Variants in ATP9B observed in about 807,000 individuals in gnomAD.
The protein encoded by ATP9B is probable phospholipid-transporting ATPase IIB.
A neutral mutation model predicts 146.1 loss-of-function variants in ATP9B; 110 were observed. The ratio of observed to expected loss-of-function variants is 0.75; its 90% CI spans 0.65 to 0.88. The LOEUF (loss-of-function observed/expected upper bound fraction) is 0.88. ATP9B is among the 40% of genes least tolerant of loss of function. The pLI, the probability that ATP9B is intolerant of heterozygous loss-of-function variation, is 0.00. For synonymous variants in ATP9B, 604 were observed against 569.7 expected, an observed-to-expected ratio of 1.06 and a Z score of -0.86; for missense variants, 1,499 against 1,496.4, an observed-to-expected ratio of 1.00 and a Z score of -0.03.
At chr18:79,280,157 C>T (rs184998699) in intron 13 of ATP9B, among the ~76,000 whole-genome samples, 31 of 152,014 alleles carry the variant, frequency 2.0e-4, no homozygotes, top group African/African-American at 5.5e-4. Flanking sequence ...ATAGCAGTGA[C>T]GATGGAGTAC....
intron 12 of ATP9B, among the ~76,000 whole-genome samples, chr18:79,272,301 T>C (rs993226137): frequency 6.6e-6 from 1 of 152,230 alleles, no homozygotes; most frequent in African/African-American, 2.4e-5. Flanking sequence ...TTAGGGTGTA[T>C]CTCTGCCTTT....
intron 4 of ATP9B, among the ~76,000 whole-genome samples, chr18:79,121,876 C>G (rs370985065): frequency 1.3e-5 from 2 of 152,170 alleles, no homozygotes; most frequent in Admixed American, 6.5e-5. Context: ...TCTGTCTTCT[C>G]TAATACTACT....
At chr18:79,305,331 T>G (rs904256921) in intron 14 of ATP9B, among the ~76,000 whole-genome samples, 15 of 152,232 alleles carry the variant, frequency 9.9e-5, no homozygotes, top group Admixed American at 9.8e-4. Flanking sequence ...CAGTCTGGCA[T>G]AAGCTTTACT....
chr18:79,323,463 A>G (rs778240910), intron 15 of ATP9B, among the ~76,000 whole-genome samples: 22 of 152,134 alleles, frequency 1.4e-4, no homozygotes, highest in Non-Finnish European at 3.1e-4. Context: ...TGTCCCCGAT[A>G]TCCTTCCCGG....
At chr18:79,099,446 CCT>C (rs781464539) in intron 2 of ATP9B, among the ~76,000 whole-genome samples, 1 of 152,118 alleles carries the variant, frequency 6.6e-6, no homozygotes, top group Non-Finnish European at 1.5e-5. Context: ...GTCTCAAACT[CCT>C]GACCTCAAGT....
chr18:79,208,622 T>TA (rs1237864112), intron 10 of ATP9B, among the ~76,000 whole-genome samples: 2 of 152,298 alleles, frequency 1.3e-5, no homozygotes, highest in East Asian at 3.9e-4. Flanking sequence ...TTTGTGTCTT[T>TA]AAAAAATGCT....
chr18:79,352,738 G>C (rs2096929059), intron 25 of ATP9B: 1 of 152,220 alleles, frequency 6.6e-6, no homozygotes, highest in Admixed American at 6.5e-5. Context: ...GGAGGGCCAG[G>C]CTCTGGTGGG....
intron 1 of ATP9B, among the ~76,000 whole-genome samples, chr18:79,070,070 A>C (rs1426790191): frequency 1.3e-5 from 2 of 152,176 alleles, no homozygotes; most frequent in Non-Finnish European, 1.5e-5. Context: ...ACGAAAGGGA[A>C]ATGGGGTATT....
intron 15 of ATP9B, chr18:79,307,503 A>G: frequency 2.3e-6 from 1 of 437,756 alleles, no homozygotes; most frequent in South Asian, 3.1e-5. Context: ...CATGAGAAAT[A>G]CCAGCGAGGT....
intron 29 of ATP9B, chr18:79,376,246 C>G: frequency 2.1e-6 from 2 of 972,004 alleles, no homozygotes; most frequent in East Asian, 1.2e-4. Context: ...TAGCCTAGAT[C>G]GTCCAAACAA....
chr18:79,223,816 A>G (rs2095703617), intron 11 of ATP9B, among the ~76,000 whole-genome samples: 1 of 152,232 alleles, frequency 6.6e-6, no homozygotes, highest in Non-Finnish European at 1.5e-5. Flanking sequence ...ACAAAATGCT[A>G]AGTGTTGAAA....
chr18:79,229,538 T>C (rs548367382), intron 11 of ATP9B, among the ~76,000 whole-genome samples: 6 of 152,208 alleles, frequency 3.9e-5, no homozygotes, highest in Non-Finnish European at 8.8e-5. Flanking sequence ...AAATGACTGC[T>C]TCTGAGGCTT....
Position 79,264,093 on chromosome 18 carries a change from G to C in ATP9B, c.1268+10552G>C, listed in dbSNP as rs142268460. 2.3e-3 allele frequency among the ~76,000 whole-genome samples: 350 copies of C among 151,812 alleles called. 1 individual carries two copies. Among genetic ancestry groups the C allele is most frequent in the African/African-American group, 7.8e-3 (321 of 41,418 alleles). On this transcript the variant is annotated intron_variant, in intron 12 of 29. Coordinates refer to ENST00000426216, the MANE Select transcript of ATP9B (RefSeq NM_198531.5). ...GTGTAAGACTCTGTCTCAAAAAAAA[G>C]AAAAGGAAAAAAAAACATATCTAGG...
At chr18:79,101,903 A>C (rs2075304080) in intron 2 of ATP9B, among the ~76,000 whole-genome samples, 1 of 152,044 alleles carries the variant, frequency 6.6e-6, no homozygotes, top group Non-Finnish European at 1.5e-5. Flanking sequence ...GTCCTCTGTC[A>C]GACATGTAGT....
At chr18:79,165,676 C>T (rs1348703649) in intron 7 of ATP9B, among the ~76,000 whole-genome samples, 1 of 152,156 alleles carries the variant, frequency 6.6e-6, no homozygotes, top group Non-Finnish European at 1.5e-5. Flanking sequence ...TTCCTCTCTA[C>T]CCCAGCTCCA....
intron 1 of ATP9B, chr18:79,085,756 C>G (rs2072234188): frequency 6.6e-6 from 1 of 152,030 alleles, no homozygotes; most frequent in Non-Finnish European, 1.5e-5. Context: ...GACTATTGGC[C>G]CTGCCCAGAG....
intron 7 of ATP9B, among the ~76,000 whole-genome samples, chr18:79,171,577 GTTGACAAC>G (rs2095071380): frequency 6.6e-6 from 1 of 152,094 alleles, no homozygotes; most frequent in Non-Finnish European, 1.5e-5. Flanking sequence ...TCCTTCAGTG[GTTGACAAC>G]TTACCTGTAG....
chr18:79,161,324 G>A (rs564199654), intron 7 of ATP9B, among the ~76,000 whole-genome samples: 1 of 152,184 alleles, frequency 6.6e-6, no homozygotes, highest in African/African-American at 2.4e-5. Flanking sequence ...TTTGAAGGTC[G>A]TGGATCCCTT....
intron 4 of ATP9B, among the ~76,000 whole-genome samples, chr18:79,121,509 T>C (rs1224972280): frequency 6.6e-6 from 1 of 152,226 alleles, no homozygotes; most frequent in Non-Finnish European, 1.5e-5. Context: ...CAATCTGTAA[T>C]GATCCATTTA....
Sources: allele counts gnomAD v4.1 joint callset (sites outside exome capture counted in the v4.1 genomes callset), GRCh38; gene constraint gnomAD v4.1.1; transcripts MANE v1.5; gene names NCBI Gene and HGNC (gene_info 2026-07-23, HGNC 2026-07-21).